The following UMAD1 variants were observed in gnomAD, a reference collection of about 807,000 sequenced individuals.
UMAD1 encodes UBAP1-MVB12-associated (UMA)-domain containing protein 1.
In UMAD1, 8 loss-of-function variants were observed where a neutral mutation model predicts 6.1. The ratio of observed to expected loss-of-function variants is 1.30; its 90% CI spans 0.76 to 2.35. The LOEUF is 2.35. UMAD1 is among the 30% of genes most tolerant of loss of function. The pLI, the probability that UMAD1 is intolerant of heterozygous loss-of-function variation, is 0.00. For missense variants in UMAD1, 130 were observed against 78.4 expected (o/e 1.66, Z -2.49); for synonymous variants, 56 against 31.4 (o/e 1.78, Z -2.61).
intron 2 of UMAD1, among the ~76,000 whole-genome samples, chr7:7,681,920 T>G (rs1208332444): frequency 6.6e-6 from 1 of 152,164 alleles, no homozygotes; most frequent in Non-Finnish European, 1.5e-5. Context: ...AAGCATGAAT[T>G]AGCTTATTAT....
At chr7:7,821,795 G>T (rs989350729) in intron 3 of UMAD1, among the ~76,000 whole-genome samples, 1 of 152,094 alleles carries the variant, frequency 6.6e-6, no homozygotes, top group East Asian at 1.9e-4. Context: ...CTCTTCCCCT[G>T]ATGGCTTTTA....
At chr7:7,641,692 A>C (rs1416290062) in intron 1 of UMAD1, 3 of 152,164 alleles carry the variant, frequency 2.0e-5, no homozygotes, top group African/African-American at 7.2e-5. Context: ...TGCACATAAA[A>C]ATACCTTCAA....
At chr7:7,730,881 G>T (rs1563161661) in intron 2 of UMAD1, among the ~76,000 whole-genome samples, 1 of 152,222 alleles carries the variant, frequency 6.6e-6, no homozygotes, top group Non-Finnish European at 1.5e-5. Context: ...CGGAGTGGAA[G>T]CAGTGGCGGG....
At chr7:7,732,977 G>A (rs1781288068) in intron 2 of UMAD1, among the ~76,000 whole-genome samples, 1 of 152,154 alleles carries the variant, frequency 6.6e-6, no homozygotes, top group African/African-American at 2.4e-5. Flanking sequence ...AACACATTCT[G>A]GAAACTGATG....
At position 7,877,864 on chromosome 7, in the gene UMAD1, GCA is replaced by G; in HGVS notation, c.*327_*328del. 3 of 253,100 alleles carry G rather than the reference GCA, an allele frequency of 1.2e-5. No homozygotes were observed. Among genetic ancestry groups the G allele is most frequent in the Non-Finnish European group, 2.3e-5 (3 of 130,968 alleles). The allele number at this position is 253,100 out of a possible 1,614,324, so 15.7% of individuals were successfully genotyped here. ...AGAAGAACTGTGAAAAAGAATTGTGGCATTTTTCAGTCACTACAGCTCCGAAG... is the reference window on the plus strand; with the variant it reads ...AGAAGAACTGTGAAAAAGAATTGTGGTTTTTCAGTCACTACAGCTCCGAAG... On this transcript the variant is annotated 3_prime_UTR_variant, in exon 4 of 4. Transcript: ENST00000682710.
At chr7:7,652,380 A>AT (rs1785243804) in intron 1 of UMAD1, among the ~76,000 whole-genome samples, 1 of 152,118 alleles carries the variant, frequency 6.6e-6, no homozygotes, top group Non-Finnish European at 1.5e-5. Context: ...GTTATTACCA[A>AT]TTTTTTTAGT....
At chr7:7,764,487 G>C (rs1385162406) in intron 2 of UMAD1, among the ~76,000 whole-genome samples, 1 of 152,198 alleles carries the variant, frequency 6.6e-6, no homozygotes, top group Non-Finnish European at 1.5e-5. Context: ...ATGAAGCTGA[G>C]ACTGTGGAAG....
chr7:7,804,399 G>A (rs985863104), intron 3 of UMAD1, among the ~76,000 whole-genome samples: 4 of 152,208 alleles, frequency 2.6e-5, no homozygotes, highest in African/African-American at 4.8e-5. Flanking sequence ...GAGACTGGGC[G>A]TGGTGGCTCA....
intron 2 of UMAD1, among the ~76,000 whole-genome samples, chr7:7,786,186 T>C (rs1782457674): frequency 1.3e-5 from 2 of 152,236 alleles, no homozygotes; most frequent in Admixed American, 1.3e-4. Flanking sequence ...CAGTCTAGAA[T>C]CACATGTTGC....
At position 7,789,727 on chromosome 7, in the gene UMAD1, T is replaced by C. The variant is rs542094781; in HGVS notation, c.83-11943T>C. Reference sequence around the variant, plus strand: ...CATCATACAGTATTTGTCTTGTGACTGGCTTATTTTACTTAGCAATGTCTT... The same window carrying C: ...CATCATACAGTATTTGTCTTGTGACCGGCTTATTTTACTTAGCAATGTCTT... On this transcript the variant is annotated intron_variant, in intron 2 of 3. Coordinates refer to ENST00000682710, the MANE Select transcript of UMAD1 (RefSeq NM_001302348.2). Among the ~76,000 whole-genome samples, 10 of 152,332 alleles carry C rather than the reference T, an allele frequency of 6.6e-5. No homozygotes were observed. The South Asian group carries it at 1.5e-3, about 22-fold the overall frequency.
chr7:7,740,704 A>T (rs1424159673), intron 2 of UMAD1: 3 of 152,182 alleles, frequency 2.0e-5, no homozygotes, highest in Admixed American at 6.5e-5. Context: ...GCAATCAATG[A>T]TTTTGTGATC....
rs1190463557 is a variant in UMAD1 at position 7,835,394 on chromosome 7, T to G, written c.156+33651T>G. On this transcript the variant is annotated intron_variant, in intron 3 of 3. Transcript: ENST00000682710. ...CATTGTAACTTCTGCTTTCTTTTTTTTTTTTTTGCTTTAAAAAAAAATCTT... is the reference window on the plus strand; with the variant it reads ...CATTGTAACTTCTGCTTTCTTTTTTGTTTTTTTGCTTTAAAAAAAAATCTT... 5.3e-5 allele frequency among the ~76,000 whole-genome samples: 8 copies of G among 150,782 alleles called. No homozygotes were observed. The East Asian group carries it at 1.5e-3, about 29-fold the overall frequency.
intron 3 of UMAD1, among the ~76,000 whole-genome samples, chr7:7,821,823 A>G (rs1246906489): frequency 1.3e-5 from 2 of 152,142 alleles, no homozygotes; most frequent in Non-Finnish European, 2.9e-5. Flanking sequence ...GTTAGTATTC[A>G]GTTGATGTTT....
At chr7:7,663,668 A>G (rs1483674349) in intron 1 of UMAD1, among the ~76,000 whole-genome samples, 4 of 152,226 alleles carry the variant, frequency 2.6e-5, no homozygotes, top group East Asian at 1.9e-4. Context: ...AGATACTGCA[A>G]CTGGTTCAAA....
chr7:7,867,463 A>T (rs1784254824), intron 3 of UMAD1, among the ~76,000 whole-genome samples: 1 of 152,228 alleles, frequency 6.6e-6, no homozygotes, highest in African/African-American at 2.4e-5. Context: ...AAGAATAAGC[A>T]GCTAGACATG....
rs1209922532 is a variant in UMAD1 at position 7,878,978 on chromosome 7, A to G, written c.*1440A>G. 6.6e-6 allele frequency: 1 copy of G among 152,172 alleles called. No individual in the cohort carries two copies. Among genetic ancestry groups the G allele is most frequent in the East Asian group, 1.9e-4 (1 of 5,202 alleles). The allele number at this position is 152,172 out of a possible 1,614,324, so 9.4% of individuals were successfully genotyped here. A position where few individuals can be genotyped will look rare whatever the true frequency, so the allele number is the denominator to read the frequency against. Reference sequence around the variant, plus strand: ...GATGCAAACGTGAACATTTTGTAGTAGTTTTGTAAAAGAACATCCTTTTCA... The same window carrying G: ...GATGCAAACGTGAACATTTTGTAGTGGTTTTGTAAAAGAACATCCTTTTCA... On this transcript the variant is annotated 3_prime_UTR_variant, in exon 4 of 4. Transcript: ENST00000682710.
chr7:7,751,583 T>C (rs1288145630), intron 2 of UMAD1, among the ~76,000 whole-genome samples: 2 of 152,170 alleles, frequency 1.3e-5, no homozygotes, highest in Non-Finnish European at 1.5e-5. Context: ...TATTGAATGT[T>C]GTATATGAGG....
chr7:7,867,424 A>G (rs1294900764), intron 3 of UMAD1, among the ~76,000 whole-genome samples: 1 of 152,190 alleles, frequency 6.6e-6, no homozygotes, highest in Non-Finnish European at 1.5e-5. Flanking sequence ...GGAACCCTAA[A>G]GAACACCATC....
intron 3 of UMAD1, among the ~76,000 whole-genome samples, chr7:7,838,122 T>C (rs1482228450): frequency 6.6e-6 from 1 of 152,148 alleles, no homozygotes; most frequent in Non-Finnish European, 1.5e-5. Flanking sequence ...AGTAATTGAT[T>C]TATTGAATAA....
Sources: allele counts gnomAD v4.1 joint callset (sites outside exome capture counted in the v4.1 genomes callset), GRCh38; gene constraint gnomAD v4.1.1; transcripts MANE v1.5; gene names NCBI Gene and HGNC (gene_info 2026-07-23, HGNC 2026-07-21).